BABAM2: variants seen among roughly 807,000 people sequenced by gnomAD.
BABAM2 encodes BRISC and BRCA1-A complex member 2.
In BABAM2, 31 loss-of-function variants were observed where a neutral mutation model predicts 54.7. That is an observed-to-expected ratio of 0.57 (90% CI 0.43 to 0.77). The LOEUF (loss-of-function observed/expected upper bound fraction) is 0.77. Ranked by LOEUF, BABAM2 falls within the 30% of genes least tolerant of loss-of-function variation. BABAM2 has a pLI of 0.00. For missense variants in BABAM2, 364 were observed against 455.8 expected, an observed-to-expected ratio of 0.80 and a Z score of 1.83; for synonymous variants, 167 against 162.9, an observed-to-expected ratio of 1.03 and a Z score of -0.19.
intron 7 of BABAM2, among the ~76,000 whole-genome samples, chr2:28,139,763 G>C (rs1380621356): frequency 2.6e-5 from 4 of 152,126 alleles, no homozygotes; most frequent in Non-Finnish European, 5.9e-5. Context: ...AGATATTCTA[G>C]CTGTGTAGCT....
Position 27,894,523 on chromosome 2 carries a change from C to T in BABAM2, c.-24-10C>T, listed in dbSNP as rs769831977. On this transcript the variant is annotated splice_polypyrimidine_tract_variant and intron_variant, in intron 1 of 11. Coordinates refer to ENST00000379624, the MANE Select transcript of BABAM2 (RefSeq NM_199191.3). ...AAGCCCTGATCATTATTCTTTCCTT[C>T]TGCTTTCAGTGGTGATTTACAAGTC... 1.2e-6 allele frequency: 2 copies of T among 1,612,230 alleles called. No homozygotes were observed. Among genetic ancestry groups the T allele is most frequent in the Non-Finnish European group, 1.7e-6 (2 of 1,178,302 alleles).
At chr2:28,239,443 G>C (rs575429308) in intron 8 of BABAM2, among the ~76,000 whole-genome samples, 3 of 152,132 alleles carry the variant, frequency 2.0e-5, no homozygotes, top group Admixed American at 6.5e-5. Context: ...ATGTGTTTTC[G>C]TGTTAGAAGC....
At chr2:28,045,655 C>G (rs1157119547) in intron 5 of BABAM2, 70 bp from the exon 6 acceptor site, 4 of 1,370,600 alleles carry the variant, frequency 2.9e-6, no homozygotes, top group East Asian at 2.5e-5. Context: ...AACTTGTGGC[C>G]TTGGCTATAA....
intron 7 of BABAM2, among the ~76,000 whole-genome samples, chr2:28,173,727 A>G (rs911559862): frequency 1.3e-5 from 2 of 152,204 alleles, no homozygotes. Flanking sequence ...TTGGATTGAC[A>G]TGATATTGTC....
chr2:28,232,130 C>T lies in BABAM2; in HGVS notation c.681-5072C>T, dbSNP rs182627048. On this transcript the variant is annotated intron_variant, in intron 7 of 11. Coordinates refer to ENST00000379624, the MANE Select transcript of BABAM2 (RefSeq NM_199191.3). ...CAGGTGTCTTTGAGAGTGGTGCTAT[C>T]CCACTGAACTGGTGAGAAAGTTGAG... is the stretch of plus-strand genomic sequence containing the variant. Among the ~76,000 whole-genome samples, 243 of 152,158 alleles carry T rather than the reference C, an allele frequency of 1.6e-3. 2 individuals are homozygous for T. The highest frequency in any genetic ancestry group is 5.6e-3 in the African/African-American group (233 of 41,528).
At chr2:27,939,882 C>A (rs192604767) in intron 3 of BABAM2, among the ~76,000 whole-genome samples, 1 of 152,028 alleles carries the variant, frequency 6.6e-6, no homozygotes, top group African/African-American at 2.4e-5. Flanking sequence ...CAGAATTATC[C>A]CCATTCAAAG....
At chr2:28,138,258 T>C (rs62142461) in intron 7 of BABAM2, among the ~76,000 whole-genome samples, 33,316 of 152,084 alleles carry the variant, frequency 0.22, 4,642 homozygotes, top group Middle Eastern at 0.33. Context: ...AACCCTCAGA[T>C]TGAGAAAGTC....
At chr2:28,008,987 G>A (rs1419267995) in intron 4 of BABAM2, among the ~76,000 whole-genome samples, 1 of 152,126 alleles carries the variant, frequency 6.6e-6, no homozygotes, top group Admixed American at 6.5e-5. Context: ...GGATACGTGT[G>A]GGGCAACTAG....
chr2:28,084,624 T>C (rs1391290182), intron 6 of BABAM2, among the ~76,000 whole-genome samples: 2 of 152,182 alleles, frequency 1.3e-5, no homozygotes, highest in East Asian at 3.9e-4. Context: ...AGAGATAGTG[T>C]TGATGCCTTT....
chr2:27,978,854 C>T (rs1235011027), intron 3 of BABAM2, among the ~76,000 whole-genome samples: 1 of 151,998 alleles, frequency 6.6e-6, no homozygotes, highest in African/African-American at 2.4e-5. Context: ...CATGTATACT[C>T]CAATGTTTAG....
intron 3 of BABAM2, among the ~76,000 whole-genome samples, chr2:27,972,340 T>C (rs1671276898): frequency 6.6e-6 from 1 of 152,256 alleles, no homozygotes; most frequent in Non-Finnish European, 1.5e-5. Context: ...CTATATTTTC[T>C]GTTTCAATAT....
intron 9 of BABAM2, 128 bp downstream of exon 9, chr2:28,241,521 G>C: frequency 1.2e-6 from 1 of 801,062 alleles, no homozygotes; most frequent in Non-Finnish European, 2.0e-6. Context: ...TTTTGAGACA[G>C]TCTCGCTCTG....
chr2:27,908,465 G>C (rs1043676445), intron 2 of BABAM2, among the ~76,000 whole-genome samples: 1 of 152,128 alleles, frequency 6.6e-6, no homozygotes, highest in Non-Finnish European at 1.5e-5. Context: ...TCGAAATGGG[G>C]TTGCGCCATG....
intron 7 of BABAM2, among the ~76,000 whole-genome samples, chr2:28,145,580 A>G (rs748179693): frequency 1.3e-5 from 2 of 152,034 alleles, no homozygotes; most frequent in Non-Finnish European, 2.9e-5. Flanking sequence ...AGTTTTATTG[A>G]GCTATAATTC....
chr2:28,298,260 A>G, intron 10 of BABAM2, 78 bp from the exon 11 acceptor site: 1 of 1,468,288 alleles, frequency 6.8e-7, no homozygotes, highest in Non-Finnish European at 9.3e-7. Flanking sequence ...CGTACCTAAC[A>G]TTCGGATTTA....
chr2:27,987,050 A>G (rs946034122), intron 3 of BABAM2, among the ~76,000 whole-genome samples: 1 of 152,320 alleles, frequency 6.6e-6, no homozygotes, highest in South Asian at 2.1e-4. Context: ...TACTTCCATT[A>G]TCACATGTTG....
At position 28,276,141 on chromosome 2, in the gene BABAM2, A is replaced by T. The variant is rs536585264; in HGVS notation, c.935-22197A>T. Among the ~76,000 whole-genome samples the T allele has an allele frequency of 3.3e-5, 5 of 152,296 alleles. No homozygotes were observed. In the South Asian group the frequency reaches 1.0e-3, roughly 32 times the overall value. Reference sequence around the variant, plus strand: ...AGGTTGAAGTGACTCACTTGCGTAGATGAAGTTATTTTTAGAGATGTAATT... The same window carrying T: ...AGGTTGAAGTGACTCACTTGCGTAGTTGAAGTTATTTTTAGAGATGTAATT... On this transcript the variant is annotated intron_variant, in intron 10 of 11. Coordinates refer to ENST00000379624, the MANE Select transcript of BABAM2 (RefSeq NM_199191.3).
chr2:28,338,421 A>AT (rs753855558), intron 11 of BABAM2, 29 bp from the exon 12 acceptor site: 10 of 1,599,764 alleles, frequency 6.3e-6, no homozygotes, highest in East Asian at 2.2e-5. Flanking sequence ...GCTAACCACA[A>AT]TTTTTTTTCT....
At chr2:28,018,567 T>A (rs574562165) in intron 4 of BABAM2, among the ~76,000 whole-genome samples, 62 of 152,358 alleles carry the variant, frequency 4.1e-4, no homozygotes, top group African/African-American at 1.4e-3. Flanking sequence ...TTCAGTTCTT[T>A]AAGGAATCTC....
Sources: gnomAD v4.1 joint callset for allele counts (sites outside exome capture counted in the v4.1 genomes callset) on GRCh38, gnomAD v4.1.1 for gene constraint, MANE v1.5 for transcripts, NCBI Gene and HGNC (gene_info 2026-07-23, HGNC 2026-07-21) for gene names.